Variants in GAPVD1 observed in about 807,000 individuals in gnomAD.
The protein encoded by GAPVD1 is GTPase-activating protein and VPS9 domain-containing protein 1.
A neutral mutation model predicts 155.5 loss-of-function variants in GAPVD1; 35 were observed. The observed-to-expected ratio is 0.23, with a 90% CI of 0.17 to 0.30. The LOEUF (loss-of-function observed/expected upper bound fraction) is 0.30. GAPVD1 is among the 10% of genes least tolerant of loss of function. The pLI, the probability that GAPVD1 is intolerant of heterozygous loss-of-function variation, is 1.00. For synonymous variants in GAPVD1, 636 were observed against 619.7 expected (o/e 1.03, Z -0.39); for missense variants, 1,429 against 1,775.7 (o/e 0.80, Z 3.51).
intron 2 of GAPVD1, among the ~76,000 whole-genome samples, chr9:125,285,332 T>G (rs1053306731): frequency 6.6e-6 from 1 of 152,190 alleles, no homozygotes; most frequent in South Asian, 2.1e-4. Context: ...TGTGCTTCAC[T>G]CTTGCCACTA....
At chr9:125,270,446 A>G (rs1209344217) in intron 2 of GAPVD1, among the ~76,000 whole-genome samples, 1 of 152,040 alleles carries the variant, frequency 6.6e-6, no homozygotes, top group African/African-American at 2.4e-5. Flanking sequence ...CAAAAACAAA[A>G]GAATCTTTCC....
chr9:125,282,807 G>A (rs1281414081), intron 2 of GAPVD1, among the ~76,000 whole-genome samples: 3 of 152,050 alleles, frequency 2.0e-5, no homozygotes, highest in Non-Finnish European at 4.4e-5. Flanking sequence ...GTTGCCAATA[G>A]GTGTCAGAGT....
At chr9:125,269,832 C>T (rs1477016797) in intron 2 of GAPVD1, among the ~76,000 whole-genome samples, 1 of 149,726 alleles carries the variant, frequency 6.7e-6, no homozygotes, top group Non-Finnish European at 1.5e-5. Context: ...ATTCTCCTGC[C>T]TCAGCCTCCC....
At chr9:125,353,761 A>G (rs548144286) in intron 23 of GAPVD1, among the ~76,000 whole-genome samples, 2 of 152,336 alleles carry the variant, frequency 1.3e-5, no homozygotes, top group Admixed American at 1.3e-4. Flanking sequence ...ACTTAGTATC[A>G]CGAGAACAGC....
At chr9:125,285,284 C>T (rs1453327479) in intron 2 of GAPVD1, among the ~76,000 whole-genome samples, 1 of 152,088 alleles carries the variant, frequency 6.6e-6, no homozygotes, top group East Asian at 1.9e-4. Flanking sequence ...TTTGCTGGCC[C>T]CTCCTCTATA....
chr9:125,326,816 C>G (rs889570953), intron 12 of GAPVD1, among the ~76,000 whole-genome samples: 1 of 151,202 alleles, frequency 6.6e-6, no homozygotes, highest in South Asian at 2.1e-4. Context: ...CCATCCTCCT[C>G]CCAGCTGCCC....
chr9:125,343,398 A>G (rs1231670461), intron 19 of GAPVD1, among the ~76,000 whole-genome samples: 2 of 152,094 alleles, frequency 1.3e-5, no homozygotes, highest in East Asian at 3.9e-4. Context: ...TTTTTTCATT[A>G]AACAATTTTA....
At chr9:125,336,147 A>AC (rs1487257739) in intron 15 of GAPVD1, among the ~76,000 whole-genome samples, 5 of 146,002 alleles carry the variant, frequency 3.4e-5, no homozygotes, top group African/African-American at 1.3e-4. Context: ...TTTGTCTCCA[A>AC]AAAAAAAAAA....
intron 19 of GAPVD1, among the ~76,000 whole-genome samples, chr9:125,343,672 C>T (rs1848135357): frequency 6.6e-6 from 1 of 152,198 alleles, no homozygotes; most frequent in Non-Finnish European, 1.5e-5. Context: ...TCAGTAAATA[C>T]TTGTTGACCA....
At chr9:125,286,518 G>A (rs1229539877) in intron 2 of GAPVD1, among the ~76,000 whole-genome samples, 1 of 151,706 alleles carries the variant, frequency 6.6e-6, no homozygotes, top group Non-Finnish European at 1.5e-5. Context: ...GAAACTGCTC[G>A]TGAATTTCAG....
rs759492839 is a variant in GAPVD1 at position 125,354,661 on chromosome 9, G to A, written c.3577G>A (p.Ala1193Thr). 1.9e-6 allele frequency: 3 copies of A among 1,607,548 alleles called. No individual in the cohort carries two copies. Among genetic ancestry groups the A allele is most frequent in the South Asian group, 1.1e-5 (1 of 90,882 alleles). The change falls in exon 24 of 28, where the codon GCC (alanine) becomes ACC (threonine). Residue 1193 changes from alanine (A) to threonine (T), a missense_variant. This residue lies in a region of GAPVD1 where 699 missense variants were observed against 826.0 expected (regional missense o/e 0.85). Coordinates refer to ENST00000297933, the MANE Select transcript of GAPVD1 (RefSeq NM_001282680.3). ...ASIAEDYRKR[A>T]PYIAYLTRCR... is the part of the protein sequence containing the mutation. The stretch of plus-strand genomic sequence containing the variant: ...AAGTATTTTTCCTTTTAGAAAAAGA[G>A]CCCCATATATTGCTTATCTCACTCG...
intron 17 of GAPVD1, among the ~76,000 whole-genome samples, chr9:125,339,856 G>A (rs1242721785): frequency 6.6e-6 from 1 of 152,102 alleles, no homozygotes; most frequent in African/African-American, 2.4e-5. Flanking sequence ...CATCCCCACT[G>A]TTAAGTTAAC....
intron 20 of GAPVD1, among the ~76,000 whole-genome samples, chr9:125,348,108 G>T (rs1357420894): frequency 2.0e-5 from 3 of 152,028 alleles, no homozygotes; most frequent in Non-Finnish European, 2.9e-5. Context: ...CTGGAGTGCA[G>T]TGGCACAATC....
At chr9:125,308,074 A>C (rs1842123805) in intron 8 of GAPVD1, 194 bp downstream of exon 8, 1 of 599,238 alleles carries the variant, frequency 1.7e-6, no homozygotes, top group East Asian at 2.7e-5. Flanking sequence ...AGCTTTGCCT[A>C]CATACTTTTC....
intron 25 of GAPVD1, among the ~76,000 whole-genome samples, chr9:125,356,387 T>G (rs149238269): frequency 3.9e-4 from 60 of 152,310 alleles, no homozygotes; most frequent in African/African-American, 1.4e-3. Flanking sequence ...ATCCCTGACC[T>G]CTACACACAA....
rs188832898 is a variant in GAPVD1, at chr9:125,361,845, G to A, written c.4243-761G>A. Among the ~76,000 whole-genome samples the A allele has an allele frequency of 7.9e-5, 12 of 152,336 alleles. No individual in the cohort carries two copies. In the South Asian group the frequency reaches 8.3e-4, roughly 11 times the overall value. On this transcript the variant is annotated intron_variant, in intron 27 of 27. Transcript: ENST00000297933. Reference sequence around the variant, plus strand: ...GGGTGCACACAGCCACTAAGTGATCGTATCACTTGTGTGTTGCAGTCAGCT... The same window carrying A: ...GGGTGCACACAGCCACTAAGTGATCATATCACTTGTGTGTTGCAGTCAGCT...
chr9:125,291,447 A>G (rs560497650), intron 2 of GAPVD1, among the ~76,000 whole-genome samples: 36 of 152,254 alleles, frequency 2.4e-4, no homozygotes, highest in African/African-American at 3.9e-4. Flanking sequence ...ATGATTGGCC[A>G]TGGGATTTAC....
rs1190889306 is a variant in GAPVD1 at position 125,337,494 on chromosome 9, G to A, written c.2780G>A (p.Arg927Gln). 16 of 1,614,048 alleles carry A rather than the reference G, an allele frequency of 9.9e-6. No individual in the cohort carries two copies. The highest frequency in any genetic ancestry group is 2.7e-5 in the African/African-American group (2 of 74,926). ...AACCGGCGTCCAGGAAATGAAGAGC[G>A]AGAACTCCCTCCAGCTGCAGCCATT... is the stretch of plus-strand genomic sequence containing the variant. ...SWNRRPGNEE[R>Q]ELPPAAAIGA... The change falls in exon 17 of 28, where the codon CGA becomes CAA. Residue 927 changes from arginine (R) to glutamine (Q), a missense_variant. By Grantham distance (43) the Arg-to-Gln change is conservative (BLOSUM62 1). Around this residue, in one of 4 missense-constraint regions of GAPVD1, gnomAD observed 699 missense variants for 826.0 expected, o/e 0.85. Coordinates refer to ENST00000297933, the MANE Select transcript of GAPVD1 (RefSeq NM_001282680.3).
intron 2 of GAPVD1, among the ~76,000 whole-genome samples, chr9:125,294,851 T>A (rs2132682380): frequency 6.6e-6 from 1 of 152,058 alleles, no homozygotes; most frequent in African/African-American, 2.4e-5. Context: ...ATGAAGTAGA[T>A]GTCATCAGAA....
Sources: gnomAD v4.1 joint callset for allele counts (sites outside exome capture counted in the v4.1 genomes callset) on GRCh38, gnomAD v4.1.1 for gene constraint, gnomAD v4.1.1 regional missense constraint, MANE v1.5 for transcripts, NCBI Gene and HGNC (gene_info 2026-07-23, HGNC 2026-07-21) for gene names.